The following MDGA2 variants were observed in gnomAD, a reference collection of about 807,000 sequenced individuals.
The protein encoded by MDGA2 is MAM domain containing glycosylphosphatidylinositol anchor 2, also known as MAM domain-containing glycosylphosphatidylinositol anchor protein 2.
In MDGA2, 40 loss-of-function variants were observed where a neutral mutation model predicts 117.8. That is an observed-to-expected ratio of 0.34 (90% CI 0.26 to 0.44). The LOEUF (loss-of-function observed/expected upper bound fraction) is 0.44. MDGA2 is among the 20% of genes least tolerant of loss of function. The pLI is 1.00. For synonymous variants in MDGA2, 452 were observed against 439.0 expected, an observed-to-expected ratio of 1.03 and a Z score of -0.37; for missense variants, 1,123 against 1,250.6, an observed-to-expected ratio of 0.90 and a Z score of 1.54.
chr14:47,509,899 G>A (rs1337896429), intron 1 of MDGA2, among the ~76,000 whole-genome samples: 1 of 152,160 alleles, frequency 6.6e-6, no homozygotes, highest in African/African-American at 2.4e-5. Context: ...CTGATCAAAT[G>A]ATGTTTAGAT....
intron 1 of MDGA2, among the ~76,000 whole-genome samples, chr14:47,463,421 TAATAA>T (rs1893533423): frequency 6.6e-6 from 1 of 152,036 alleles, no homozygotes; most frequent in East Asian, 1.9e-4. Flanking sequence ...AAATAGCAAA[TAATAA>T]AATAAATAAT....
At chr14:47,022,411 A>G (rs1250277585) in intron 8 of MDGA2, among the ~76,000 whole-genome samples, 1 of 152,188 alleles carries the variant, frequency 6.6e-6, no homozygotes, top group Non-Finnish European at 1.5e-5. Flanking sequence ...GAAATAAATG[A>G]AAAACATAAC....
At chr14:47,478,816 G>A in intron 1 of MDGA2, among the ~76,000 whole-genome samples, 1 of 152,196 alleles carries the variant, frequency 6.6e-6, no homozygotes, top group East Asian at 1.9e-4. Flanking sequence ...ATGGATGACA[G>A]ATCACGCTAA....
chr14:47,463,105 T>A (rs1893525998), intron 1 of MDGA2, among the ~76,000 whole-genome samples: 1 of 152,200 alleles, frequency 6.6e-6, no homozygotes, highest in South Asian at 2.1e-4. Flanking sequence ...AGTAGTCCTA[T>A]AATTCCTAAA....
rs1337340830 is a variant in MDGA2, at chr14:47,674,563, C to G, written c.234G>C (p.Trp78Cys). The change falls in exon 1 of 17, where the codon TGG (tryptophan) becomes TGC (cysteine). Residue 78 changes from tryptophan to cysteine, a missense_variant. Trp to Cys is a radical substitution (Grantham distance 215, BLOSUM62 -2). Around this residue, in one of 2 missense-constraint regions of MDGA2, gnomAD observed 233 missense variants for 200.3 expected, o/e 1.16. Coordinates refer to ENST00000399232, the MANE Select transcript of MDGA2 (RefSeq NM_001113498.3). ...VKMDLLYGLV[W>C]LLTVLLEGIS... Reference sequence around the variant, plus strand: ...TCCCCTCCAGGAGGACTGTCAGCAGCCACACGAGACCGTACAGTAAATCCA... The same window carrying G: ...TCCCCTCCAGGAGGACTGTCAGCAGGCACACGAGACCGTACAGTAAATCCA... 8.4e-6 allele frequency: 13 copies of G among 1,551,350 alleles called. No homozygotes were observed. The highest frequency in any genetic ancestry group is 7.0e-6 in the Non-Finnish European group (8 of 1,146,882).
At chr14:47,597,936 A>C (rs916758789) in intron 1 of MDGA2, among the ~76,000 whole-genome samples, 3 of 152,020 alleles carry the variant, frequency 2.0e-5, no homozygotes. Context: ...CAAGAAAAAA[A>C]CATTGATTGA....
At chr14:46,973,956 C>T (rs1385309494) in intron 8 of MDGA2, among the ~76,000 whole-genome samples, 1 of 150,944 alleles carries the variant, frequency 6.6e-6, no homozygotes, top group South Asian at 2.1e-4. Flanking sequence ...TCACTGCAGC[C>T]TCTGACTCCT....
chr14:47,292,851 T>C (rs1487707426), intron 2 of MDGA2, among the ~76,000 whole-genome samples: 5 of 152,220 alleles, frequency 3.3e-5, no homozygotes, highest in Admixed American at 6.5e-5. Context: ...ACCCTTGTAT[T>C]TCATCCCTAA....
chr14:47,562,427 T>C (rs541592650), intron 1 of MDGA2, among the ~76,000 whole-genome samples: 8 of 152,344 alleles, frequency 5.3e-5, no homozygotes, highest in Non-Finnish European at 7.3e-5. Flanking sequence ...GAACTCATTA[T>C]TGGTATCCAG....
At chr14:47,565,731 C>T (rs540513937) in intron 1 of MDGA2, among the ~76,000 whole-genome samples, 1 of 152,066 alleles carries the variant, frequency 6.6e-6, no homozygotes, top group African/African-American at 2.4e-5. Flanking sequence ...GTGGCATAGG[C>T]AGCCCTGGGG....
At chr14:47,408,081 G>C (rs1467434690) in intron 1 of MDGA2, among the ~76,000 whole-genome samples, 6 of 79,200 alleles carry the variant, frequency 7.6e-5, no homozygotes, top group African/African-American at 2.2e-4. Flanking sequence ...TTTTTTGGTG[G>C]CATCTTGCTC....
At position 47,168,156 on chromosome 14, in the gene MDGA2, G is replaced by A. The variant is rs200855384; in HGVS notation, c.596-23882C>T. 7.2e-5 allele frequency among the ~76,000 whole-genome samples: 11 copies of A among 151,890 alleles called. No homozygotes were observed. In the East Asian group the frequency reaches 2.1e-3, roughly 29 times the overall value. ...ACTGCCTTCCCTTCTCTGCCATGAAGGAGTTTGCTTTTCCTCTTATGGAGT... is the reference window on the plus strand; with the variant it reads ...ACTGCCTTCCCTTCTCTGCCATGAAAGAGTTTGCTTTTCCTCTTATGGAGT... On this transcript the variant is annotated intron_variant, in intron 3 of 16. Transcript: ENST00000399232.
chr14:46,977,436 A>T (rs1886506881), intron 8 of MDGA2, among the ~76,000 whole-genome samples: 1 of 151,934 alleles, frequency 6.6e-6, no homozygotes, highest in African/African-American at 2.4e-5. Flanking sequence ...AGAATAAGTA[A>T]CCCTAACTAT....
At chr14:47,577,390 C>T (rs1896135577) in intron 1 of MDGA2, among the ~76,000 whole-genome samples, 1 of 152,130 alleles carries the variant, frequency 6.6e-6, no homozygotes, top group Non-Finnish European at 1.5e-5. Flanking sequence ...GCAAAGACTT[C>T]ATGATGCAAA....
chr14:47,257,164 T>C (rs1192007223), intron 2 of MDGA2, among the ~76,000 whole-genome samples: 1 of 152,146 alleles, frequency 6.6e-6, no homozygotes, highest in Non-Finnish European at 1.5e-5. Flanking sequence ...TGGCTTAGAA[T>C]AAAAGACAAT....
At chr14:47,595,933 C>T (rs747527878) in intron 1 of MDGA2, among the ~76,000 whole-genome samples, 1 of 152,100 alleles carries the variant, frequency 6.6e-6, no homozygotes, top group African/African-American at 2.4e-5. Context: ...GGGAATGAAA[C>T]AAGCCAAATA....
intron 2 of MDGA2, among the ~76,000 whole-genome samples, chr14:47,246,802 A>AACACGCACACAC (rs112489290): frequency 2.5e-4 from 36 of 141,852 alleles, no homozygotes; most frequent in African/African-American, 9.5e-4. Flanking sequence ...CAGGTAATGA[A>AACACGCACACAC]ACACACACAC....
At chr14:46,862,825 T>G (rs959032908) in intron 14 of MDGA2, among the ~76,000 whole-genome samples, 13 of 152,044 alleles carry the variant, frequency 8.6e-5, no homozygotes, top group African/African-American at 2.9e-4. Flanking sequence ...AAGTGAGAAA[T>G]TATAAAATCA....
chr14:46,897,141 G>A (rs1210228599), intron 10 of MDGA2, among the ~76,000 whole-genome samples: 4 of 151,888 alleles, frequency 2.6e-5, no homozygotes, highest in African/African-American at 4.8e-5. Flanking sequence ...TGTGATATCC[G>A]TATTTATTCC....
Sources: allele counts gnomAD v4.1 joint callset (sites outside exome capture counted in the v4.1 genomes callset), GRCh38; gene constraint gnomAD v4.1.1; regional missense constraint gnomAD v4.1.1; transcripts MANE v1.5; gene names NCBI Gene and HGNC (gene_info 2026-07-23, HGNC 2026-07-21).